The following ITSN1 variants were observed in gnomAD, a reference collection of about 807,000 sequenced individuals.
ITSN1 encodes the protein intersectin-1.
In ITSN1, 58 loss-of-function variants were observed where a neutral mutation model predicts 239.8. The observed-to-expected ratio is 0.24, with a 90% CI of 0.20 to 0.30. ITSN1 has a LOEUF of 0.30. Among genes scored for constraint, ITSN1 ranks in the 10% least tolerant of loss-of-function variants. The pLI is 1.00. For missense variants in ITSN1, 1,558 were observed against 2,103.3 expected, an observed-to-expected ratio of 0.74 and a Z score of 5.07; for synonymous variants, 780 against 770.8, an observed-to-expected ratio of 1.01 and a Z score of -0.20.
chr21:33,787,810 A>G lies in ITSN1; in HGVS notation c.1824+5677A>G, dbSNP rs552043954. Among the ~76,000 whole-genome samples the G allele has an allele frequency of 2.6e-5, 4 of 152,322 alleles. No homozygotes were observed. In the East Asian group the frequency reaches 7.7e-4, roughly 29 times the overall value. On this transcript the variant is annotated intron_variant, in intron 16 of 39. Transcript: ENST00000381318. ...CAAATAGCCATGTTGCTTTGTCATA[A>G]TTAGTAGAATAATGTTTGGTTCTTT...
At chr21:33,806,041 A>G (rs2072410274) in intron 20 of ITSN1, among the ~76,000 whole-genome samples, 1 of 132,658 alleles carries the variant, frequency 7.5e-6, no homozygotes, top group African/African-American at 2.8e-5. Context: ...GTCTCTACTA[A>G]AAATACAAAA....
At chr21:33,720,687 TA>T (rs2147085288) in intron 2 of ITSN1, among the ~76,000 whole-genome samples, 1 of 152,294 alleles carries the variant, frequency 6.6e-6, no homozygotes, top group East Asian at 1.9e-4. Flanking sequence ...TTTAGCAAAT[TA>T]TATAGAGTTG....
chr21:33,856,604 C>A, intron 29 of ITSN1, 132 bp from the exon 30 acceptor site: 2 of 1,231,496 alleles, frequency 1.6e-6, no homozygotes, highest in East Asian at 4.7e-5. Flanking sequence ...CTGGGGAGGA[C>A]ACATTTCAGC....
At chr21:33,740,817 C>T (rs759323937) in intron 5 of ITSN1, among the ~76,000 whole-genome samples, 1 of 152,120 alleles carries the variant, frequency 6.6e-6, no homozygotes, top group Non-Finnish European at 1.5e-5. Flanking sequence ...GTAATCGCAG[C>T]ACTTTGGGAG....
chr21:33,875,232 AG>A, intron 33 of ITSN1, 121 bp from the exon 34 acceptor site: 1 of 1,040,836 alleles, frequency 9.6e-7, no homozygotes, highest in Non-Finnish European at 1.4e-6. Flanking sequence ...CGATTGCTCA[AG>A]TGGGCGCCGT....
intron 33 of ITSN1, among the ~76,000 whole-genome samples, chr21:33,873,129 A>AG (rs1983038683): frequency 6.6e-6 from 1 of 152,216 alleles, no homozygotes; most frequent in African/African-American, 2.4e-5. Flanking sequence ...TCTAACGTAC[A>AG]GTCAGGATTG....
chr21:33,837,756 G>A (rs1245688593), intron 29 of ITSN1: 1 of 985,752 alleles, frequency 1.0e-6, no homozygotes, highest in African/African-American at 1.7e-5. Context: ...CAGTGACCTT[G>A]TAGCCACATG....
At chr21:33,874,929 G>A (rs1179431089) in intron 33 of ITSN1, among the ~76,000 whole-genome samples, 3 of 152,208 alleles carry the variant, frequency 2.0e-5, no homozygotes, top group Non-Finnish European at 4.4e-5. Context: ...TTACAGGCGT[G>A]AGCCACTGTG....
chr21:33,649,064 C>G (rs1485737478), intron 1 of ITSN1, among the ~76,000 whole-genome samples: 2 of 152,142 alleles, frequency 1.3e-5, no homozygotes, highest in African/African-American at 4.8e-5. Flanking sequence ...AAAGGCAGTT[C>G]ACTTGTGATG....
intron 1 of ITSN1, among the ~76,000 whole-genome samples, chr21:33,717,539 G>C (rs567363121): frequency 3.3e-5 from 5 of 151,918 alleles, no homozygotes; most frequent in South Asian, 4.2e-4. Context: ...TAAATTAAAC[G>C]TAAGGAAAAA....
chr21:33,845,299 T>G (rs1015674933), intron 29 of ITSN1, among the ~76,000 whole-genome samples: 3 of 152,072 alleles, frequency 2.0e-5, no homozygotes, highest in Admixed American at 2.0e-4. Flanking sequence ...GGAGGAGCTT[T>G]CTCGGCCCAA....
Position 33,724,709 on chromosome 21 carries a change from C to CT in ITSN1, c.185+2062dup, listed in dbSNP as rs1368679521. 2.6e-5 allele frequency among the ~76,000 whole-genome samples: 4 copies of CT among 152,182 alleles called. No individual in the cohort carries two copies. In the East Asian group the frequency reaches 7.7e-4, roughly 29 times the overall value. On this transcript the variant is annotated intron_variant, in intron 4 of 39. Transcript: ENST00000381318. Reference sequence around the variant, plus strand: ...ATGAACAAAATAGACAGAATCCATTCTTTTACTGAAACGGCAGTCTAGTGG... The same window carrying CT: ...ATGAACAAAATAGACAGAATCCATTCTTTTTACTGAAACGGCAGTCTAGTGG...
chr21:33,691,027 G>A (rs777882979), intron 1 of ITSN1, among the ~76,000 whole-genome samples: 8 of 150,700 alleles, frequency 5.3e-5, no homozygotes, highest in African/African-American at 2.0e-4. Context: ...TTCATCCTTC[G>A]TAGGCTGGTG....
intron 25 of ITSN1, among the ~76,000 whole-genome samples, chr21:33,824,807 G>T (rs1042344345): frequency 6.6e-6 from 1 of 152,184 alleles, no homozygotes; most frequent in Non-Finnish European, 1.5e-5. Flanking sequence ...TCTTGCTGCG[G>T]TCTTGAGAGC....
At chr21:33,820,997 A>G (rs1007262232) in intron 24 of ITSN1, among the ~76,000 whole-genome samples, 1 of 152,164 alleles carries the variant, frequency 6.6e-6, no homozygotes, top group Non-Finnish European at 1.5e-5. Flanking sequence ...CGTGATAACT[A>G]CCCCTTGAGG....
At chr21:33,691,267 A>G (rs914534871) in intron 1 of ITSN1, among the ~76,000 whole-genome samples, 1 of 152,180 alleles carries the variant, frequency 6.6e-6, no homozygotes, top group East Asian at 1.9e-4. Flanking sequence ...AAGCTGAGCA[A>G]TGTAACACTT....
chr21:33,822,608 G>A (rs1314242545), intron 24 of ITSN1, among the ~76,000 whole-genome samples: 1 of 152,166 alleles, frequency 6.6e-6, no homozygotes, highest in Non-Finnish European at 1.5e-5. Flanking sequence ...AATCCACCAA[G>A]AGTGATGCAA....
chr21:33,723,802 T>A (rs2065651653), intron 4 of ITSN1, among the ~76,000 whole-genome samples: 1 of 152,218 alleles, frequency 6.6e-6, no homozygotes, highest in Non-Finnish European at 1.5e-5. Context: ...AAGGACTTAT[T>A]GTGGCTCCTG....
At chr21:33,785,214 A>AAAT (rs2070562216) in intron 16 of ITSN1, among the ~76,000 whole-genome samples, 1 of 152,228 alleles carries the variant, frequency 6.6e-6, no homozygotes, top group South Asian at 2.1e-4. Context: ...TACTAAATCT[A>AAAT]TATTAAGTGG....
Sources: allele counts gnomAD v4.1 joint callset (sites outside exome capture counted in the v4.1 genomes callset), GRCh38; gene constraint gnomAD v4.1.1; transcripts MANE v1.5; gene names NCBI Gene and HGNC (gene_info 2026-07-23, HGNC 2026-07-21).